ZFHX3: variants seen among roughly 807,000 people sequenced by gnomAD.
The protein encoded by ZFHX3 is zinc finger homeobox protein 3.
Under a neutral mutation model 279.1 loss-of-function variants are expected in ZFHX3, and 42 were observed. The ratio of observed to expected loss-of-function variants is 0.15; its 90% confidence interval spans 0.12 to 0.19. The LOEUF is 0.19. Among genes scored for constraint, ZFHX3 ranks in the 10% least tolerant of loss-of-function variants. The probability of loss-of-function intolerance (pLI) is 1.00; values close to 1 mark genes in which losing one functional copy is unlikely to be tolerated. For synonymous variants in ZFHX3, 2,293 were observed against 1,957.8 expected, an observed-to-expected ratio of 1.17 and a Z score of -4.52; for missense variants, 4,981 against 4,754.0, an observed-to-expected ratio of 1.05 and a Z score of -1.40.
At chr16:73,332,809 A>G (rs536183737) in intron 3 of ZFHX3, among the ~76,000 whole-genome samples, 7 of 152,330 alleles carry the variant, frequency 4.6e-5, no homozygotes, top group Non-Finnish European at 7.3e-5. Context: ...TCCATGCAAC[A>G]AGAGTGGTGG....
chr16:72,849,024 CCTT>C (rs1262894843), intron 4 of ZFHX3, among the ~76,000 whole-genome samples: 1 of 152,070 alleles, frequency 6.6e-6, no homozygotes, highest in African/African-American at 2.4e-5. Flanking sequence ...ATCTGTTTCT[CCTT>C]CTTTCTTTCG....
At chr16:73,730,378 AAAAG>A (rs1442435439) in intron 1 of ZFHX3, among the ~76,000 whole-genome samples, 129 of 149,266 alleles carry the variant, frequency 8.6e-4, no homozygotes, top group African/African-American at 2.4e-3. Flanking sequence ...AAAAAAAAGA[AAAAG>A]AGAGAGAAAG....
chr16:72,940,270 T>C (rs1221265342), intron 3 of ZFHX3, among the ~76,000 whole-genome samples: 1 of 152,128 alleles, frequency 6.6e-6, no homozygotes, highest in Non-Finnish European at 1.5e-5. Context: ...CCTACTTCAA[T>C]GGCCAGCACA....
At chr16:73,456,988 G>A (rs1052131498) in intron 2 of ZFHX3, among the ~76,000 whole-genome samples, 1 of 152,208 alleles carries the variant, frequency 6.6e-6, no homozygotes. Context: ...GCTGTTGAAA[G>A]GGACAGATTG....
chr16:73,644,498 T>C (rs1228684407), intron 2 of ZFHX3, among the ~76,000 whole-genome samples: 3 of 151,780 alleles, frequency 2.0e-5, no homozygotes, highest in Non-Finnish European at 4.4e-5. Flanking sequence ...CCATCTCTAC[T>C]AAAAGGGCAA....
intron 3 of ZFHX3, among the ~76,000 whole-genome samples, chr16:73,333,798 A>C (rs982957936): frequency 6.4e-5 from 7 of 109,406 alleles, no homozygotes; most frequent in Admixed American, 9.8e-5. Flanking sequence ...TTTTCACCCC[A>C]AGAGACCAAA....
intron 4 of ZFHX3, among the ~76,000 whole-genome samples, chr16:72,836,329 G>A (rs1179263092): frequency 7.0e-6 from 1 of 143,266 alleles, no homozygotes; most frequent in Non-Finnish European, 1.5e-5. Flanking sequence ...GACCCAGAAT[G>A]TAGCAACCTA....
chr16:73,468,588 T>G (rs1369453552), intron 2 of ZFHX3, among the ~76,000 whole-genome samples: 1 of 152,054 alleles, frequency 6.6e-6, no homozygotes, highest in Non-Finnish European at 1.5e-5. Context: ...ATACAAAATA[T>G]TAGCCAGGTG....
At position 73,326,327 on chromosome 16, in the gene ZFHX3, C is replaced by T. The variant is rs558039846; in HGVS notation, c.-1290-7991G>A. ...ATACGAAAAGCCTAAAGTCCAATAA[C>T]GGGCTAATGTTCAACAGCAGTAAGT... On this transcript the variant is annotated intron_variant, in intron 3 of 17. Coordinates refer to the ZFHX3 transcript ENST00000641206. Among the ~76,000 whole-genome samples, 15 of 152,206 alleles carry T rather than the reference C, an allele frequency of 9.9e-5. 1 individual carries two copies. Among genetic ancestry groups the T allele is most frequent in the Middle Eastern group, 3.4e-3 (1 of 294 alleles).
chr16:73,747,405 T>C (rs432210), intron 1 of ZFHX3, among the ~76,000 whole-genome samples: 10,967 of 152,120 alleles, frequency 0.072, 522 homozygotes, highest in African/African-American at 0.13. Context: ...GAAAAAATTC[T>C]TTAGATCTTT....
At chr16:72,838,227 G>A (rs2037248025) in intron 4 of ZFHX3, among the ~76,000 whole-genome samples, 1 of 152,138 alleles carries the variant, frequency 6.6e-6, no homozygotes, top group Non-Finnish European at 1.5e-5. Flanking sequence ...TATTAAAAAT[G>A]ACTAATTGGA....
chr16:73,260,928 C>T (rs1425374413), intron 4 of ZFHX3, among the ~76,000 whole-genome samples: 3 of 152,132 alleles, frequency 2.0e-5, no homozygotes, highest in Non-Finnish European at 4.4e-5. Context: ...AGGTGATCCA[C>T]CTGCCTTGGC....
At chr16:73,303,450 C>G (rs1163207030) in intron 4 of ZFHX3, among the ~76,000 whole-genome samples, 1 of 152,182 alleles carries the variant, frequency 6.6e-6, no homozygotes, top group East Asian at 1.9e-4. Flanking sequence ...GGAGGCTGAT[C>G]TTACAATTGA....
chr16:73,711,828 G>A (rs186622178), intron 1 of ZFHX3, among the ~76,000 whole-genome samples: 3 of 152,316 alleles, frequency 2.0e-5, no homozygotes, highest in Admixed American at 1.3e-4. Flanking sequence ...TGTTGCCACA[G>A]GAGGCTCAGG....
At position 73,578,050 on chromosome 16, in the gene ZFHX3, A is replaced by C. The variant is rs143475957; in HGVS notation, c.-1547+102130T>G. On this transcript the variant is annotated intron_variant, in intron 2 of 17. Coordinates refer to the ZFHX3 transcript ENST00000641206. ...CAATCAGCATTGATCACTACGACAA[A>C]CCAAATGGATGTGTGGCTCTGCTCA... 6.9e-4 allele frequency among the ~76,000 whole-genome samples: 105 copies of C among 152,358 alleles called. No individual in the cohort carries two copies. The East Asian group carries it at 0.018, about 26-fold the overall frequency.
intron 4 of ZFHX3, among the ~76,000 whole-genome samples, chr16:73,269,875 A>C (rs1284516545): frequency 3.3e-5 from 5 of 151,700 alleles, no homozygotes; most frequent in Non-Finnish European, 7.4e-5. Context: ...CAGTCTCCGG[A>C]GTAGCTGGAA....
intron 2 of ZFHX3, among the ~76,000 whole-genome samples, chr16:73,655,180 A>T (rs1429942970): frequency 1.3e-5 from 2 of 152,140 alleles, no homozygotes; most frequent in Non-Finnish European, 2.9e-5. Flanking sequence ...ACATTTAAAG[A>T]TGAAATACTG....
At chr16:73,105,865 A>G (rs1450270198) in intron 7 of ZFHX3, among the ~76,000 whole-genome samples, 1 of 152,068 alleles carries the variant, frequency 6.6e-6, no homozygotes, top group Non-Finnish European at 1.5e-5. Context: ...ATCATGATCG[A>G]GATTCCTTTA....
chr16:73,018,025 A>C (rs1159685210), intron 1 of ZFHX3, among the ~76,000 whole-genome samples: 1 of 148,014 alleles, frequency 6.8e-6, no homozygotes, highest in Non-Finnish European at 1.5e-5. Context: ...TTGCTCTGTC[A>C]CCCAGGCTGG....
Sources: allele counts gnomAD v4.1 joint callset (sites outside exome capture counted in the v4.1 genomes callset), GRCh38; gene constraint gnomAD v4.1.1; transcripts MANE v1.5; gene names NCBI Gene and HGNC (gene_info 2026-07-23, HGNC 2026-07-21).